Variants in TRIM37 observed in about 807,000 individuals in gnomAD.
The protein encoded by TRIM37 is E3 ubiquitin-protein ligase TRIM37.
TRIM37 carries 80 observed loss-of-function variants against 129.8 expected under a neutral mutation model. The observed-to-expected ratio is 0.62, with a 90% CI of 0.51 to 0.74. The LOEUF (loss-of-function observed/expected upper bound fraction) is 0.74. TRIM37 is among the 30% of genes least tolerant of loss of function. The probability of loss-of-function intolerance (pLI) is 0.00; values close to 1 mark genes in which losing one functional copy is unlikely to be tolerated. For synonymous variants in TRIM37, 389 were observed against 387.1 expected (o/e 1.00, Z -0.06); for missense variants, 1,054 against 1,176.5 (o/e 0.90, Z 1.52).
downstream of TRIM37, among the ~76,000 whole-genome samples, chr17:58,978,839 T>C (rs1567899275): frequency 1.3e-5 from 2 of 152,162 alleles, no homozygotes; most frequent in South Asian, 4.1e-4. Flanking sequence ...AATGAATGGA[T>C]TTGGAAGTGC....
intron 22 of TRIM37, among the ~76,000 whole-genome samples, chr17:59,008,015 T>C (rs1188685519): frequency 1.3e-5 from 2 of 152,090 alleles, no homozygotes; most frequent in Non-Finnish European, 2.9e-5. Context: ...GGCTTATAGG[T>C]ATATAAGGGT....
chr17:59,072,547 T>C (rs530879232), intron 8 of TRIM37, among the ~76,000 whole-genome samples: 2 of 151,898 alleles, frequency 1.3e-5, no homozygotes, highest in African/African-American at 4.8e-5. Context: ...ACCTGGCTAG[T>C]TCAAGGCCTG....
chr17:59,015,149 A>G (rs2035761635), intron 21 of TRIM37, among the ~76,000 whole-genome samples: 2 of 152,138 alleles, frequency 1.3e-5, no homozygotes, highest in Admixed American at 1.3e-4. Flanking sequence ...AAAAAAGTTA[A>G]AATTTAGGCC....
intron 13 of TRIM37, among the ~76,000 whole-genome samples, chr17:59,056,288 C>A (rs2040861317): frequency 6.6e-6 from 1 of 151,996 alleles, no homozygotes; most frequent in African/African-American, 2.4e-5. Flanking sequence ...AAGCCGTCCT[C>A]CCATCTTAGC....
intron 4 of TRIM37, among the ~76,000 whole-genome samples, chr17:59,086,892 T>C (rs889833519): frequency 3.9e-5 from 6 of 152,178 alleles, no homozygotes; most frequent in African/African-American, 1.4e-4. Context: ...GAGGCTCTAA[T>C]AGAAGAGGCC....
At chr17:59,088,836 T>TA (rs1037373593) in intron 3 of TRIM37, among the ~76,000 whole-genome samples, 1 of 149,578 alleles carries the variant, frequency 6.7e-6, no homozygotes, top group South Asian at 2.1e-4. Flanking sequence ...AAATAAAAAA[T>TA]AAAAAAAAAG....
At chr17:59,000,272 A>G (rs985019027) in intron 23 of TRIM37, among the ~76,000 whole-genome samples, 5 of 152,244 alleles carry the variant, frequency 3.3e-5, no homozygotes, top group Admixed American at 6.5e-5. Flanking sequence ...AAATATATTT[A>G]AGTGAAAAAA....
At position 58,999,294 on chromosome 17, in the gene TRIM37, C is replaced by T; in HGVS notation, c.*83G>A. ...AAGAAATAAGACCAAATCTGATTAT[C>T]TGACTGATGACAAATTTGAGCACCA... is the stretch of plus-strand genomic sequence containing the variant. On this transcript the variant is annotated 3_prime_UTR_variant, in exon 24 of 24. Transcript: ENST00000262294. 1 of 1,609,932 alleles carries T rather than the reference C, an allele frequency of 6.2e-7. No homozygotes were observed. The highest frequency in any genetic ancestry group is 8.5e-7 in the Non-Finnish European group (1 of 1,178,268).
chr17:58,999,101 C>T lies in TRIM37; in HGVS notation c.*276G>A, dbSNP rs2033337693. On this transcript the variant is annotated 3_prime_UTR_variant, in exon 24 of 24. Coordinates refer to ENST00000262294, the MANE Select transcript of TRIM37 (RefSeq NM_015294.6). ...CCTTCTGCTGTAGTAGACAAACTGC[C>T]TTTTGTGAATGTACAAATTTGCTAA... is the stretch of plus-strand genomic sequence containing the variant. 4.0e-6 allele frequency: 5 copies of T among 1,254,332 alleles called. No homozygotes were observed. Among genetic ancestry groups the T allele is most frequent in the Admixed American group, 3.8e-5 (1 of 26,666 alleles). The allele number at this position is 1,254,332 out of a possible 1,614,324, so 77.7% of individuals were successfully genotyped here.
At chr17:59,057,436 G>A (rs1249363531) in intron 12 of TRIM37, among the ~76,000 whole-genome samples, 2 of 152,230 alleles carry the variant, frequency 1.3e-5, no homozygotes, top group Non-Finnish European at 2.9e-5. Context: ...TTGAACTCCT[G>A]ACCTCAGGTG....
At chr17:59,000,607 AAAG>A (rs751604812) in intron 23 of TRIM37, among the ~76,000 whole-genome samples, 8 of 152,214 alleles carry the variant, frequency 5.3e-5, no homozygotes, top group Non-Finnish European at 1.0e-4. Flanking sequence ...TCTAAAAAAA[AAAG>A]AAGAAGAAAT....
At chr17:59,055,064 T>C (rs1264460884) in intron 13 of TRIM37, among the ~76,000 whole-genome samples, 1 of 151,886 alleles carries the variant, frequency 6.6e-6, no homozygotes, top group African/African-American at 2.4e-5. Flanking sequence ...TGGCCAGACG[T>C]GGTGGCTCAT....
intron 2 of TRIM37, among the ~76,000 whole-genome samples, chr17:59,101,677 A>AAAATAT (rs1568265833): frequency 3.0e-5 from 3 of 101,562 alleles, no homozygotes; most frequent in African/African-American, 1.2e-4. Flanking sequence ...AAAAAAAAAA[A>AAAATAT]ATATATATAT....
chr17:58,982,667 G>C (rs2143846008), exon 25 of TRIM37: 1 of 478,834 alleles, frequency 2.1e-6, no homozygotes, highest in African/African-American at 2.0e-5. Flanking sequence ...TTAATCTACA[G>C]ATTTTATTTT....
intron 9 of TRIM37, among the ~76,000 whole-genome samples, chr17:59,065,872 C>T (rs1464614907): frequency 6.6e-6 from 1 of 152,106 alleles, no homozygotes; most frequent in African/African-American, 2.4e-5. Context: ...AATGTAAGTA[C>T]GTATAGCTAA....
chr17:59,057,141 A>G, intron 12 of TRIM37, 87 bp from the exon 13 acceptor site: 3 of 1,143,492 alleles, frequency 2.6e-6, no homozygotes, highest in Non-Finnish European at 2.6e-6. Flanking sequence ...TCACTAAGTA[A>G]TTACCTGAGA....
At chr17:59,095,171 C>T (rs766374617) in intron 2 of TRIM37, among the ~76,000 whole-genome samples, 12 of 151,902 alleles carry the variant, frequency 7.9e-5, no homozygotes, top group Non-Finnish European at 1.3e-4. Flanking sequence ...GAGCCATGAT[C>T]ATGCCACTGT....
chr17:59,083,425 C>T (rs1456598620), intron 5 of TRIM37, among the ~76,000 whole-genome samples: 4 of 144,600 alleles, frequency 2.8e-5, no homozygotes, highest in East Asian at 4.0e-4. Flanking sequence ...GCAACAAGAG[C>T]GAAATTCTCA....
intron 8 of TRIM37, among the ~76,000 whole-genome samples, chr17:59,072,494 G>A (rs1006754053): frequency 6.6e-6 from 1 of 152,244 alleles, no homozygotes; most frequent in African/African-American, 2.4e-5. Flanking sequence ...TTGGGAGGCT[G>A]AGGCGGGTGG....
Sources: gnomAD v4.1 joint callset for allele counts (sites outside exome capture counted in the v4.1 genomes callset) on GRCh38, gnomAD v4.1.1 for gene constraint, MANE v1.5 for transcripts, NCBI Gene and HGNC (gene_info 2026-07-23, HGNC 2026-07-21) for gene names.